The following AGAP1 variants were observed in gnomAD, a reference collection of about 807,000 sequenced individuals.
The protein encoded by AGAP1 is arf-GAP with GTPase, ANK repeat and PH domain-containing protein 1.
AGAP1 carries 29 observed loss-of-function variants against 105.3 expected under a neutral mutation model. The observed-to-expected ratio is 0.28, with a 90% CI of 0.21 to 0.38. AGAP1 has a LOEUF of 0.38. Ranked by LOEUF, AGAP1 falls within the 10% of genes least tolerant of loss-of-function variation. The probability of loss-of-function intolerance (pLI) is 1.00; values close to 1 mark genes in which losing one functional copy is unlikely to be tolerated. For synonymous variants in AGAP1, 509 were observed against 485.9 expected, an observed-to-expected ratio of 1.05 and a Z score of -0.63; for missense variants, 998 against 1,165.1, an observed-to-expected ratio of 0.86 and a Z score of 2.09.
Position 235,933,714 on chromosome 2 carries a change from G to C in AGAP1, c.1483+2791G>C, listed in dbSNP as rs575850004. 2.6e-5 allele frequency among the ~76,000 whole-genome samples: 4 copies of C among 152,154 alleles called. No homozygotes were observed. In the South Asian group the frequency reaches 8.3e-4, roughly 32 times the overall value. On this transcript the variant is annotated intron_variant, in intron 12 of 17. Coordinates refer to ENST00000304032, the MANE Select transcript of AGAP1 (RefSeq NM_001037131.3). Reference sequence around the variant, plus strand: ...TGCCCGGCTAATTTTTGTATTTTTAGTAGAGACGGGGTTTCACCATGTTGG... The same window carrying C: ...TGCCCGGCTAATTTTTGTATTTTTACTAGAGACGGGGTTTCACCATGTTGG...
At position 235,589,210 on chromosome 2, in the gene AGAP1, T is replaced by TTG. The variant is rs1945245699; in HGVS notation, c.163+94362_163+94363insGT. On this transcript the variant is annotated intron_variant, in intron 1 of 17. Transcript: ENST00000304032. ...TATTGTTTTGTTTTTTTTTTTTTTTTTTTTTTTTTTTTGAGACGGAGTTTC... is the reference window on the plus strand; with the variant it reads ...TATTGTTTTGTTTTTTTTTTTTTTTTTGTTTTTTTTTTTTGAGACGGAGTTTC... Among the ~76,000 whole-genome samples the TTG allele has an allele frequency of 4.6e-5, 6 of 130,250 alleles. No individual in the cohort carries two copies. In the Admixed American group the frequency reaches 4.7e-4, roughly 10 times the overall value. The allele number at this position is 130,250 out of a possible 152,430, so 85.4% of individuals were successfully genotyped here.
rs1952539202 is a variant in AGAP1 at position 235,740,869 on chromosome 2, T to C, written c.311-94T>C. 1.3e-6 allele frequency: 2 copies of C among 1,487,286 alleles called. No individual in the cohort carries two copies. Among genetic ancestry groups the C allele is most frequent in the African/African-American group, 2.8e-5 (2 of 72,606 alleles). The allele number at this position is 1,487,286 out of a possible 1,614,324, so 92.1% of individuals were successfully genotyped here. The stretch of plus-strand genomic sequence containing the variant: ...CTCAGTTGCCTCCAGGGCGACAGCC[T>C]AGGGTGTATTTTTCCACAAGCGAAG... On this transcript the variant is annotated intron_variant, in intron 3 of 17. Coordinates refer to ENST00000304032, the MANE Select transcript of AGAP1 (RefSeq NM_001037131.3). This position sits in a 1 kb window ranked among gnomAD's most constrained non-coding sequence, Gnocchi z 5.7.
In AGAP1 at chr2:235,578,811, A is replaced by T. The variant is rs1305576646; in HGVS notation, c.163+83962A>T. Among the ~76,000 whole-genome samples the T allele has an allele frequency of 1.5e-5, 2 of 131,766 alleles. No individual in the cohort carries two copies. Among genetic ancestry groups the T allele is most frequent in the East Asian group, 4.2e-4 (2 of 4,734 alleles). 86.4% of individuals were successfully genotyped at this position (131,766 alleles called of 152,430 possible). A position where few individuals can be genotyped will look rare whatever the true frequency, so the allele number is the denominator to read the frequency against. ...AAAAAAAAAAAAAAATTTTTTTTTTACAATAAGCTATTTAAATAAACATTT... is the reference window on the plus strand; with the variant it reads ...AAAAAAAAAAAAAAATTTTTTTTTTTCAATAAGCTATTTAAATAAACATTT... On this transcript the variant is annotated intron_variant, in intron 1 of 17. Coordinates refer to ENST00000304032, the MANE Select transcript of AGAP1 (RefSeq NM_001037131.3). This position sits in a 1 kb window ranked among gnomAD's most constrained non-coding sequence, Gnocchi z 4.9.
In AGAP1 at chr2:236,038,467, T is replaced by C. The variant is rs192162339; in HGVS notation, c.1800+1752T>C. 1.3e-5 allele frequency among the ~76,000 whole-genome samples: 2 copies of C among 152,308 alleles called. No individual in the cohort carries two copies. The highest frequency in any genetic ancestry group is 3.9e-4 in the East Asian group (2 of 5,180). ...TCCTCCTGACTCGTGTCTCAGCTCA[T>C]GCACACACCAGCCTTAGAATGCTGC... On this transcript the variant is annotated intron_variant, in intron 14 of 17. Coordinates refer to ENST00000304032, the MANE Select transcript of AGAP1 (RefSeq NM_001037131.3). This position sits in a 1 kb window ranked among gnomAD's most constrained non-coding sequence, Gnocchi z 4.5.
Position 236,113,420 on chromosome 2 carries a change from T to C in AGAP1, c.2115-6772T>C, listed in dbSNP as rs1314593560. 6.6e-6 allele frequency among the ~76,000 whole-genome samples: 1 copy of C among 152,218 alleles called. No individual in the cohort carries two copies. Among genetic ancestry groups the C allele is most frequent in the Admixed American group, 6.5e-5 (1 of 15,282 alleles). On this transcript the variant is annotated intron_variant, in intron 16 of 17. Transcript: ENST00000304032. This position sits in a 1 kb window ranked among gnomAD's most constrained non-coding sequence, Gnocchi z 4.3. ...TCCCAAAGTGCTGGGATTACAGTCA[T>C]GAGCCACCATGCCCGGCTGGAGTTT...
chr2:235,645,382 G>A (rs754816957), intron 1 of AGAP1, among the ~76,000 whole-genome samples: 15 of 152,204 alleles, frequency 9.9e-5, no homozygotes, highest in Non-Finnish European at 1.3e-4. Flanking sequence ...GAATTCATGA[G>A]AAGTGAGGTC....
At chr2:235,763,033 C>CGG (rs1356760370) in intron 6 of AGAP1, among the ~76,000 whole-genome samples, 42 of 134,526 alleles carry the variant, frequency 3.1e-4, no homozygotes, top group Admixed American at 2.3e-3. Flanking sequence ...TGTTAAGGCT[C>CGG]GGGTGTGTGT....
rs923258439 is a variant in AGAP1, at chr2:236,017,306, A to T, written c.1646-19255A>T. On this transcript the variant is annotated intron_variant, in intron 13 of 17. Coordinates refer to ENST00000304032, the MANE Select transcript of AGAP1 (RefSeq NM_001037131.3). ...AGACTCCATCTCAAAAAAAAAAAAA[A>T]AATACATTACAGAATTTATAAAATT... 3.3e-5 allele frequency among the ~76,000 whole-genome samples: 5 copies of T among 151,968 alleles called. No homozygotes were observed. The East Asian group carries it at 7.7e-4, about 23-fold the overall frequency.
In AGAP1 at chr2:235,842,313, G is replaced by A. The variant is rs1394338106; in HGVS notation, c.1050+34982G>A. Among the ~76,000 whole-genome samples, 1 of 152,220 alleles carries A rather than the reference G, an allele frequency of 6.6e-6. No homozygotes were observed. Among genetic ancestry groups the A allele is most frequent in the Non-Finnish European group, 1.5e-5 (1 of 68,038 alleles). ...GTTAACGTTTCCTTCAGATATGAATGTAGGCAACGATCCACAGTGGTGTTT... is the reference window on the plus strand; with the variant it reads ...GTTAACGTTTCCTTCAGATATGAATATAGGCAACGATCCACAGTGGTGTTT... On this transcript the variant is annotated intron_variant, in intron 9 of 17. Transcript: ENST00000304032. The surrounding 1 kb of genome is among the most constrained non-coding windows in gnomAD (Gnocchi z 5.3).
In AGAP1 at chr2:235,919,085, C is replaced by A. The variant is rs140183650; in HGVS notation, c.1324+10179C>A. 6.6e-6 allele frequency among the ~76,000 whole-genome samples: 1 copy of A among 152,130 alleles called. No homozygotes were observed. Among genetic ancestry groups the A allele is most frequent in the African/African-American group, 2.4e-5 (1 of 41,426 alleles). ...GTTTCAGCTGCTGAACTGATGCTTC[C>A]GAGACCAGCGAAGTGGTCTGCAGGG... On this transcript the variant is annotated intron_variant, in intron 11 of 17. Transcript: ENST00000304032. This position sits in a 1 kb window ranked among gnomAD's most constrained non-coding sequence, Gnocchi z 4.1.
In AGAP1 at chr2:236,127,716, A is replaced by C. The variant is rs1051226355; in HGVS notation, c.*3594A>C. The C allele has an allele frequency of 6.6e-6, 1 of 152,202 alleles. No individual in the cohort carries two copies. Among genetic ancestry groups the C allele is most frequent in the Non-Finnish European group, 1.5e-5 (1 of 68,046 alleles). 9.4% of individuals were successfully genotyped at this position (152,202 alleles called of 1,614,324 possible). A position where few individuals can be genotyped will look rare whatever the true frequency, so the allele number is the denominator to read the frequency against. On this transcript the variant is annotated 3_prime_UTR_variant, in exon 18 of 18. Coordinates refer to ENST00000304032, the MANE Select transcript of AGAP1 (RefSeq NM_001037131.3). This position sits in a 1 kb window ranked among gnomAD's most constrained non-coding sequence, Gnocchi z 6.6. Reference sequence around the variant, plus strand: ...ATTTGGGGTCATTCCCTATATCTGCATAGGAGCTATTGCTAACCTTGTTAG... The same window carrying C: ...ATTTGGGGTCATTCCCTATATCTGCCTAGGAGCTATTGCTAACCTTGTTAG...
At position 236,016,788 on chromosome 2, in the gene AGAP1, TC is replaced by T. The variant is rs1377437835; in HGVS notation, c.1646-19771del. Among the ~76,000 whole-genome samples, 4 of 152,270 alleles carry T rather than the reference TC, an allele frequency of 2.6e-5. No individual in the cohort carries two copies. In the East Asian group the frequency reaches 7.7e-4, roughly 29 times the overall value. On this transcript the variant is annotated intron_variant, in intron 13 of 17. Transcript: ENST00000304032. The stretch of plus-strand genomic sequence containing the variant: ...CTCTGTCAGTAGCTATGAAAGGCAT[TC>T]CTGGGGATACTAAATAGTGACTGCA...
chr2:236,062,006 C>A lies in AGAP1; in HGVS notation c.2114+12725C>A, dbSNP rs982072976. 2.0e-5 allele frequency among the ~76,000 whole-genome samples: 3 copies of A among 152,092 alleles called. No homozygotes were observed. Among genetic ancestry groups the A allele is most frequent in the African/African-American group, 7.2e-5 (3 of 41,424 alleles). On this transcript the variant is annotated intron_variant, in intron 16 of 17. Coordinates refer to ENST00000304032, the MANE Select transcript of AGAP1 (RefSeq NM_001037131.3). The surrounding 1 kb of genome is among the most constrained non-coding windows in gnomAD (Gnocchi z 4.2). Reference sequence around the variant, plus strand: ...GGGTGGCGGGGGCCTGGGTGCGGGCCGAGGGCTGGCGTGGCTGCCCCTCCT... The same window carrying A: ...GGGTGGCGGGGGCCTGGGTGCGGGCAGAGGGCTGGCGTGGCTGCCCCTCCT...
In AGAP1 at chr2:235,535,261, C is replaced by T. The variant is rs867778867; in HGVS notation, c.163+40412C>T. Among the ~76,000 whole-genome samples, 4 of 152,108 alleles carry T rather than the reference C, an allele frequency of 2.6e-5. No individual in the cohort carries two copies. The highest frequency in any genetic ancestry group is 7.2e-5 in the African/African-American group (3 of 41,434). ...TCACAGTGCCCTCGCTGCTGCCTCC[C>T]GTTTCATCTGCACGTCTCTTTCAAT... On this transcript the variant is annotated intron_variant, in intron 1 of 17. Transcript: ENST00000304032. The surrounding 1 kb of genome is among the most constrained non-coding windows in gnomAD (Gnocchi z 5.1).
In AGAP1 at chr2:235,923,560, C is replaced by T. The variant is rs559853640; in HGVS notation, c.1325-7205C>T. 3.6e-4 allele frequency among the ~76,000 whole-genome samples: 45 copies of T among 124,652 alleles called. No homozygotes were observed. In the South Asian group the frequency reaches 0.012, roughly 34 times the overall value. The allele number at this position is 124,652 out of a possible 152,430, so 81.8% of individuals were successfully genotyped here. ...CAAGGGTGACCACCATCTGATTTCT[C>T]ACTCCGTAGATGGGTTTCGCCTGTC... On this transcript the variant is annotated intron_variant, in intron 11 of 17. Coordinates refer to ENST00000304032, the MANE Select transcript of AGAP1 (RefSeq NM_001037131.3).
rs1953439685 is a variant in AGAP1, at chr2:235,751,523, G to A, written c.673+1035G>A. 6.6e-6 allele frequency among the ~76,000 whole-genome samples: 1 copy of A among 152,198 alleles called. No homozygotes were observed. The highest frequency in any genetic ancestry group is 1.5e-5 in the Non-Finnish European group (1 of 68,036). On this transcript the variant is annotated intron_variant, in intron 6 of 17. Coordinates refer to ENST00000304032, the MANE Select transcript of AGAP1 (RefSeq NM_001037131.3). The surrounding 1 kb of genome is among the most constrained non-coding windows in gnomAD (Gnocchi z 5.3). The stretch of plus-strand genomic sequence containing the variant: ...ACCTTGAAGACCCACGGTGAAAGCA[G>A]TGGCTGCAGGACTGTTCCCGGGACT...
chr2:235,988,647 T>G lies in AGAP1; in HGVS notation c.1645+20024T>G, dbSNP rs2055424468. On this transcript the variant is annotated intron_variant, in intron 13 of 17. Coordinates refer to ENST00000304032, the MANE Select transcript of AGAP1 (RefSeq NM_001037131.3). The surrounding 1 kb of genome is among the most constrained non-coding windows in gnomAD (Gnocchi z 4.7). ...AACACTTGCATTTTTCCTGTAACTT[T>G]CCAGTAATGAGGGGGCCCAGTGGGT... 6.6e-6 allele frequency among the ~76,000 whole-genome samples: 1 copy of G among 152,100 alleles called. No individual in the cohort carries two copies. The highest frequency in any genetic ancestry group is 1.5e-5 in the Non-Finnish European group (1 of 68,028).
intron 9 of AGAP1, among the ~76,000 whole-genome samples, chr2:235,818,952 G>C (rs1318750977): frequency 6.6e-6 from 1 of 152,210 alleles, no homozygotes; most frequent in Admixed American, 6.5e-5. Flanking sequence ...AAGGCAGGCT[G>C]TTTTACGCAG....
At position 235,992,699 on chromosome 2, in the gene AGAP1, T is replaced by A. The variant is rs2055621822; in HGVS notation, c.1645+24076T>A. Among the ~76,000 whole-genome samples, 1 of 152,244 alleles carries A rather than the reference T, an allele frequency of 6.6e-6. No individual in the cohort carries two copies. Among genetic ancestry groups the A allele is most frequent in the Non-Finnish European group, 1.5e-5 (1 of 68,048 alleles). On this transcript the variant is annotated intron_variant, in intron 13 of 17. Transcript: ENST00000304032. This position sits in a 1 kb window ranked among gnomAD's most constrained non-coding sequence, Gnocchi z 4.8. ...CACATTTTTAAGGTGACTCTTCAACTCACCAAGAATATCGTGGCCGCTGAG... is the reference window on the plus strand; with the variant it reads ...CACATTTTTAAGGTGACTCTTCAACACACCAAGAATATCGTGGCCGCTGAG...
Sources: allele counts gnomAD v4.1 joint callset (sites outside exome capture counted in the v4.1 genomes callset), GRCh38; gene constraint gnomAD v4.1.1; non-coding constraint Gnocchi (gnomAD v3.1); transcripts MANE v1.5; gene names NCBI Gene and HGNC (gene_info 2026-07-23, HGNC 2026-07-21).